The following GSE1 variants were observed in gnomAD, a reference collection of about 807,000 sequenced individuals.
GSE1 encodes genetic suppressor element 1.
A neutral mutation model predicts 112.6 loss-of-function variants in GSE1; 32 were observed. That is an observed-to-expected ratio of 0.28 (90% confidence interval 0.21 to 0.38). The LOEUF (loss-of-function observed/expected upper bound fraction) is 0.38. Among genes scored for constraint, GSE1 ranks in the 10% least tolerant of loss-of-function variants. The probability of loss-of-function intolerance (pLI) is 1.00; values close to 1 mark genes in which losing one functional copy is unlikely to be tolerated. For synonymous variants in GSE1, 1,115 were observed against 735.6 expected (o/e 1.52, Z -8.35); for missense variants, 2,348 against 1,699.2 (o/e 1.38, Z -6.71).
At chr16:85,564,669 G>A (rs1188150581) in intron 1 of GSE1, among the ~76,000 whole-genome samples, 2 of 152,210 alleles carry the variant, frequency 1.3e-5, no homozygotes, top group East Asian at 3.9e-4. Context: ...TGAAGCCTGT[G>A]CGTCCTTCAG....
intron 2 of GSE1, among the ~76,000 whole-genome samples, chr16:85,638,278 C>T (rs966776524): frequency 1.3e-5 from 2 of 152,198 alleles, no homozygotes; most frequent in African/African-American, 4.8e-5. Context: ...AGAGGAGGCC[C>T]TCGCTGGGAT....
chr16:85,515,172 G>A (rs1423966289), intron 2 of GSE1, among the ~76,000 whole-genome samples: 2 of 152,194 alleles, frequency 1.3e-5, no homozygotes, highest in African/African-American at 4.8e-5. Context: ...AAGCCCTGAT[G>A]TTTCCCAATC....
At chr16:85,402,023 G>C (rs761739160) in intron 2 of GSE1, among the ~76,000 whole-genome samples, 1 of 152,244 alleles carries the variant, frequency 6.6e-6, no homozygotes, top group Non-Finnish European at 1.5e-5. Flanking sequence ...CAGGTTTTCA[G>C]AACTGGAGCC....
intron 2 of GSE1, among the ~76,000 whole-genome samples, chr16:85,441,975 C>T (rs2049386356): frequency 6.6e-6 from 1 of 152,250 alleles, no homozygotes; most frequent in Non-Finnish European, 1.5e-5. Flanking sequence ...GCCTTGCGTG[C>T]TGTGGCTTCT....
intron 1 of GSE1, among the ~76,000 whole-genome samples, chr16:85,272,277 G>C (rs1346062138): frequency 6.6e-6 from 1 of 152,212 alleles, no homozygotes; most frequent in Admixed American, 6.5e-5. Flanking sequence ...TATGCGCGTG[G>C]GACGATCCGT....
intron 1 of GSE1, among the ~76,000 whole-genome samples, chr16:85,244,535 C>T (rs1398764182): frequency 1.3e-5 from 2 of 152,166 alleles, no homozygotes; most frequent in Non-Finnish European, 2.9e-5. Flanking sequence ...ACAACAGCCA[C>T]AGGAAATGAA....
At chr16:85,195,414 A>T (rs1567603332) in intron 1 of GSE1, among the ~76,000 whole-genome samples, 1 of 152,156 alleles carries the variant, frequency 6.6e-6, no homozygotes, top group Non-Finnish European at 1.5e-5. Flanking sequence ...CAGCTGTCAA[A>T]GGAGAGTTGG....
intron 1 of GSE1, among the ~76,000 whole-genome samples, chr16:85,574,847 G>A (rs1311998106): frequency 6.6e-6 from 1 of 152,208 alleles, no homozygotes; most frequent in African/African-American, 2.4e-5. Flanking sequence ...ACCCTTGGGG[G>A]CTCCCTGCTG....
intron 1 of GSE1, among the ~76,000 whole-genome samples, chr16:85,221,312 GCA>G (rs377260826): frequency 0.11 from 15,461 of 137,694 alleles, 840 homozygotes; most frequent in Non-Finnish European, 0.13. Flanking sequence ...TCCCTAGCGC[GCA>G]CACACACACA....
intron 1 of GSE1, among the ~76,000 whole-genome samples, chr16:85,180,308 G>T (rs1323828804): frequency 6.6e-6 from 1 of 152,252 alleles, no homozygotes; most frequent in Non-Finnish European, 1.5e-5. Context: ...TCCACTTGGC[G>T]AGAGTGGGCT....
At chr16:85,658,821 C>T (rs1049278507) in intron 8 of GSE1, among the ~76,000 whole-genome samples, 11 of 152,184 alleles carry the variant, frequency 7.2e-5, no homozygotes, top group East Asian at 5.8e-4. Flanking sequence ...CTCAGGGCTC[C>T]CCAGGGCCCC....
At chr16:85,323,145 A>C (rs1023145184) in intron 1 of GSE1, among the ~76,000 whole-genome samples, 15 of 152,118 alleles carry the variant, frequency 9.9e-5, no homozygotes, top group Admixed American at 2.6e-4. Context: ...TTGGGGCAAG[A>C]CGTGAGAGGC....
chr16:85,486,673 A>G (rs2050850649), intron 2 of GSE1, among the ~76,000 whole-genome samples: 1 of 151,632 alleles, frequency 6.6e-6, no homozygotes, highest in Non-Finnish European at 1.5e-5. Context: ...GGATGGTGGG[A>G]GCGCCGTCCC....
In GSE1 at chr16:85,601,270, G is replaced by A. The variant is rs76955545; in HGVS notation, c.37+44907G>A. Among the ~76,000 whole-genome samples, 1,195 of 152,018 alleles carry A rather than the reference G, an allele frequency of 7.9e-3. 14 individuals carry two copies. The highest frequency in any genetic ancestry group is 0.027 in the African/African-American group (1,117 of 41,434). On this transcript the variant is annotated intron_variant, in intron 1 of 2. Coordinates refer to the GSE1 transcript ENST00000635906. The stretch of plus-strand genomic sequence containing the variant: ...AGAGGCAGGCTGAGGGAGAGGTGCC[G>A]TGTGAGGGGTGGGAGGGGAGCAGCC...
intron 2 of GSE1, among the ~76,000 whole-genome samples, chr16:85,527,875 AT>A (rs2052414040): frequency 6.6e-6 from 1 of 152,180 alleles, no homozygotes; most frequent in African/African-American, 2.4e-5. Context: ...GAAGTAAGAG[AT>A]TTCCTCACTG....
At chr16:85,290,701 G>C (rs1325250514) in intron 1 of GSE1, among the ~76,000 whole-genome samples, 1 of 152,154 alleles carries the variant, frequency 6.6e-6, no homozygotes, top group Non-Finnish European at 1.5e-5. Flanking sequence ...TAGAGCCTTT[G>C]TTGTCACCGA....
chr16:85,192,454 C>T (rs1477066759), intron 1 of GSE1, among the ~76,000 whole-genome samples: 1 of 152,226 alleles, frequency 6.6e-6, no homozygotes, highest in Admixed American at 6.5e-5. Context: ...CGTGGCTCAG[C>T]ATTCTTCTAG....
chr16:85,245,878 CGTGT>C (rs372818970), intron 1 of GSE1, among the ~76,000 whole-genome samples: 6 of 150,740 alleles, frequency 4.0e-5, no homozygotes, highest in African/African-American at 9.8e-5. Context: ...CCTGCGTGTG[CGTGT>C]GTGTGTGTGC....
rs570446750 is a variant in GSE1, at chr16:85,193,573, C to T, written c.2283+21766C>T. On this transcript the variant is annotated intron_variant, in intron 1 of 2. Coordinates refer to the GSE1 transcript ENST00000637419. ...CTCCCGGGTTCAAGCGATTCTCCTG[C>T]CTCAGCCTCCCGAGTAGCTGGGATT... 7.2e-5 allele frequency among the ~76,000 whole-genome samples: 11 copies of T among 152,304 alleles called. No individual in the cohort carries two copies. In the East Asian group the frequency reaches 1.5e-3, roughly 21 times the overall value.
Sources: gnomAD v4.1 joint callset for allele counts (sites outside exome capture counted in the v4.1 genomes callset) on GRCh38, gnomAD v4.1.1 for gene constraint, MANE v1.5 for transcripts, NCBI Gene and HGNC (gene_info 2026-07-23, HGNC 2026-07-21) for gene names.